UBE3D: variants seen among roughly 807,000 people sequenced by gnomAD.
UBE3D encodes E3 ubiquitin-protein ligase E3D.
A neutral mutation model predicts 49.6 loss-of-function variants in UBE3D; 48 were observed. The observed-to-expected ratio is 0.97, with a 90% CI of 0.77 to 1.23. The LOEUF is 1.23. Ranked by LOEUF, UBE3D falls within the 50% of genes most tolerant of loss-of-function variation. UBE3D has a pLI of 0.00. For synonymous variants in UBE3D, 189 were observed against 174.2 expected, an observed-to-expected ratio of 1.08 and a Z score of -0.67; for missense variants, 452 against 468.4, an observed-to-expected ratio of 0.96 and a Z score of 0.32.
chr6:82,916,883 A>G (rs1018119802), intron 9 of UBE3D, among the ~76,000 whole-genome samples: 1 of 152,198 alleles, frequency 6.6e-6, no homozygotes, highest in African/African-American at 2.4e-5. Flanking sequence ...TTAGTTTTAG[A>G]ATGTTTCAAT....
chr6:82,951,463 C>T (rs1326611827), intron 9 of UBE3D, among the ~76,000 whole-genome samples: 1 of 152,084 alleles, frequency 6.6e-6, no homozygotes, highest in African/African-American at 2.4e-5. Context: ...CACTCAGGGA[C>T]CAAGGCTATG....
chr6:82,918,461 C>A (rs1582339065), intron 9 of UBE3D, among the ~76,000 whole-genome samples: 1 of 152,212 alleles, frequency 6.6e-6, no homozygotes, highest in African/African-American at 2.4e-5. Flanking sequence ...TATTAAGGAA[C>A]ACATCTGAGT....
intron 8 of UBE3D, among the ~76,000 whole-genome samples, chr6:82,961,698 G>A (rs1429085674): frequency 6.6e-6 from 1 of 152,188 alleles, no homozygotes; most frequent in Non-Finnish European, 1.5e-5. Flanking sequence ...AAATATAGTT[G>A]AGTATTTTGA....
intron 5 of UBE3D, among the ~76,000 whole-genome samples, chr6:83,027,455 A>AAAAAAAAAAAAAAAAAAAAAAAAAC (rs1781557596): frequency 1.4e-5 from 2 of 148,080 alleles, no homozygotes; most frequent in East Asian, 2.0e-4. Context: ...AAAAAAAAAA[A>AAAAAAAAAAAAAAAAAAAAAAAAAC]AAAAAAGAAA....
intron 4 of UBE3D, among the ~76,000 whole-genome samples, 196 bp downstream of exon 4, chr6:83,044,232 G>T (rs1782867317): frequency 6.6e-6 from 1 of 152,080 alleles, no homozygotes; most frequent in South Asian, 2.1e-4. Flanking sequence ...ATTCTTCCAG[G>T]CGCCTGTGGC....
intron 8 of UBE3D, among the ~76,000 whole-genome samples, chr6:82,975,652 T>C (rs538907053): frequency 1.3e-3 from 193 of 152,302 alleles, no homozygotes; most frequent in African/African-American, 4.1e-3. Flanking sequence ...ATTACTTTTA[T>C]ATGAGAAACT....
chr6:82,997,180 T>C (rs994209248), intron 8 of UBE3D, among the ~76,000 whole-genome samples: 1 of 152,158 alleles, frequency 6.6e-6, no homozygotes, highest in African/African-American at 2.4e-5. Flanking sequence ...ACCACTTCTT[T>C]CCATCCACTT....
At chr6:82,941,069 C>T (rs12195086) in intron 9 of UBE3D, among the ~76,000 whole-genome samples, 24,440 of 151,696 alleles carry the variant, frequency 0.16, 2,010 homozygotes, top group African/African-American at 0.18. Context: ...AAAAATTAGC[C>T]GGGTGTGGCG....
Position 82,939,053 on chromosome 6 carries a change from CCTGT to C in UBE3D, c.1149+18255_1149+18258del, listed in dbSNP as rs552617692. ...AAGGTGACCGAGTGAGACTGGACAC[CCTGT>C]CTATTAAAAAAAAAAAAAAGAACGA... On this transcript the variant is annotated intron_variant, in intron 9 of 9. Coordinates refer to ENST00000369747, the MANE Select transcript of UBE3D (RefSeq NM_198920.3). 6.7e-4 allele frequency among the ~76,000 whole-genome samples: 101 copies of C among 151,482 alleles called. 1 individual carries two copies. Among genetic ancestry groups the C allele is most frequent in the African/African-American group, 1.7e-3 (70 of 41,250 alleles).
At chr6:83,003,798 T>G (rs563939370) in intron 8 of UBE3D, among the ~76,000 whole-genome samples, 2 of 152,204 alleles carry the variant, frequency 1.3e-5, no homozygotes, top group African/African-American at 2.4e-5. Context: ...CAGTCTGTCA[T>G]TGCAATGTCA....
intron 5 of UBE3D, among the ~76,000 whole-genome samples, chr6:83,032,661 T>A (rs905886491): frequency 6.6e-6 from 1 of 152,218 alleles, no homozygotes; most frequent in Non-Finnish European, 1.5e-5. Flanking sequence ...GACAGAATGA[T>A]ATGGTTTGGC....
chr6:82,956,144 G>A (rs907810592), intron 9 of UBE3D, among the ~76,000 whole-genome samples: 1 of 152,088 alleles, frequency 6.6e-6, no homozygotes, highest in Non-Finnish European at 1.5e-5. Context: ...ACATAACAGA[G>A]GTACAAAGCA....
intron 9 of UBE3D, among the ~76,000 whole-genome samples, chr6:82,913,044 G>C (rs1317674628): frequency 1.3e-5 from 2 of 152,284 alleles, no homozygotes; most frequent in African/African-American, 4.8e-5. Flanking sequence ...TTAACTGAAA[G>C]CCCAGTGGCT....
At chr6:82,973,528 T>G (rs1777498744) in intron 8 of UBE3D, among the ~76,000 whole-genome samples, 1 of 151,868 alleles carries the variant, frequency 6.6e-6, no homozygotes, top group Non-Finnish European at 1.5e-5. Flanking sequence ...TCATTGAAAC[T>G]TCCGAAGGCC....
At chr6:82,986,491 A>C (rs908833839) in intron 8 of UBE3D, among the ~76,000 whole-genome samples, 3 of 149,834 alleles carry the variant, frequency 2.0e-5, no homozygotes, top group Admixed American at 1.3e-4. Context: ...AAAAAAAAAA[A>C]AAAAAAACTT....
downstream of UBE3D, among the ~76,000 whole-genome samples, chr6:82,892,033 G>A (rs1245696358): frequency 6.6e-6 from 1 of 151,768 alleles, no homozygotes; most frequent in South Asian, 2.1e-4. Flanking sequence ...AAAAGTGTTA[G>A]AAAATTTGCG....
At chr6:82,964,421 G>A (rs1041186386) in intron 8 of UBE3D, among the ~76,000 whole-genome samples, 1 of 152,130 alleles carries the variant, frequency 6.6e-6, no homozygotes, top group African/African-American at 2.4e-5. Flanking sequence ...AAATATTATT[G>A]TGTAGAGAAG....
At chr6:83,011,729 G>A (rs1459593934) in intron 8 of UBE3D, among the ~76,000 whole-genome samples, 2 of 152,086 alleles carry the variant, frequency 1.3e-5, no homozygotes, top group African/African-American at 4.8e-5. Flanking sequence ...TCGTTGTTTT[G>A]TCTCCTCGTG....
intron 9 of UBE3D, among the ~76,000 whole-genome samples, chr6:82,903,621 A>G (rs1466298684): frequency 6.6e-6 from 1 of 152,184 alleles, no homozygotes; most frequent in Non-Finnish European, 1.5e-5. Context: ...CATTTTCTTT[A>G]GCTATTTACT....
Sources: gnomAD v4.1 joint callset for allele counts (sites outside exome capture counted in the v4.1 genomes callset) on GRCh38, gnomAD v4.1.1 for gene constraint, MANE v1.5 for transcripts, NCBI Gene and HGNC (gene_info 2026-07-23, HGNC 2026-07-21) for gene names.